PPP6R3: variants seen among roughly 807,000 people sequenced by gnomAD.
The protein encoded by PPP6R3 is protein phosphatase 6 regulatory subunit 3.
Under a neutral mutation model 110.7 loss-of-function variants are expected in PPP6R3, and 38 were observed. That is an observed-to-expected ratio of 0.34 (90% CI 0.26 to 0.45). The LOEUF (loss-of-function observed/expected upper bound fraction) is 0.45. PPP6R3 is among the 20% of genes least tolerant of loss of function. The pLI is 1.00. For synonymous variants in PPP6R3, 369 were observed against 373.5 expected (o/e 0.99, Z 0.14); for missense variants, 870 against 1,062.4 (o/e 0.82, Z 2.52).
chr11:68,600,573 C>T, intron 20 of PPP6R3, 79 bp downstream of exon 20: 1 of 1,492,568 alleles, frequency 6.7e-7, no homozygotes, highest in Non-Finnish European at 9.0e-7. Flanking sequence ...AACGTGTGTT[C>T]TTCACCTTGA....
At chr11:68,597,940 G>C (rs1038891921) in intron 19 of PPP6R3, among the ~76,000 whole-genome samples, 5 of 151,768 alleles carry the variant, frequency 3.3e-5, no homozygotes, top group African/African-American at 9.7e-5. Context: ...AGATCATGCT[G>C]TGCACTCCAG....
chr11:68,551,532 T>A (rs376136035), intron 6 of PPP6R3, among the ~76,000 whole-genome samples: 1 of 152,140 alleles, frequency 6.6e-6, no homozygotes, highest in Non-Finnish European at 1.5e-5. Flanking sequence ...CTCTGTCGCC[T>A]AGGCTGGAAT....
Position 68,544,826 on chromosome 11 carries a change from C to G in PPP6R3, c.228-12C>G. On this transcript the variant is annotated splice_polypyrimidine_tract_variant and intron_variant, in intron 3 of 23. Transcript: ENST00000393800. ...TAATAAAGATGATGATGTAAATATC[C>G]TGTTCTTCTAGGTATCCAAATATAT... 1 of 1,546,586 alleles carries G rather than the reference C, an allele frequency of 6.5e-7. No homozygotes were observed.
chr11:68,484,080 C>G (rs1278482230), intron 1 of PPP6R3, among the ~76,000 whole-genome samples: 1 of 152,120 alleles, frequency 6.6e-6, no homozygotes, highest in Admixed American at 6.5e-5. Context: ...GAATAATATT[C>G]CATTGTCTGG....
At chr11:68,599,429 C>T (rs544407668) in intron 19 of PPP6R3, among the ~76,000 whole-genome samples, 3 of 152,314 alleles carry the variant, frequency 2.0e-5, no homozygotes, top group South Asian at 2.1e-4. Flanking sequence ...CCCCACAGAC[C>T]GTAAGTGTGC....
intron 14 of PPP6R3, among the ~76,000 whole-genome samples, chr11:68,576,554 G>A (rs540019411): frequency 1.3e-5 from 2 of 152,104 alleles, no homozygotes; most frequent in Non-Finnish European, 2.9e-5. Flanking sequence ...TTTGAGCCAG[G>A]GAATAATGGC....
At chr11:68,533,387 A>G (rs961094722) in intron 2 of PPP6R3, among the ~76,000 whole-genome samples, 41 of 152,302 alleles carry the variant, frequency 2.7e-4, no homozygotes, top group African/African-American at 9.9e-4. Flanking sequence ...TATTTGAAAA[A>G]TGCTATTCTA....
At position 68,586,113 on chromosome 11, in the gene PPP6R3, A is replaced by C. The variant is rs114330410; in HGVS notation, c.1633-1814A>C. ...TGGCAAGACCCTGTCTCTTAAAAAA[A>C]ATTTTTTTTTGGAGGGGAAAAATAA... On this transcript the variant is annotated intron_variant, in intron 15 of 23. Coordinates refer to ENST00000393800, the MANE Select transcript of PPP6R3 (RefSeq NM_001164161.2). Among the ~76,000 whole-genome samples, 1,087 of 152,158 alleles carry C rather than the reference A, an allele frequency of 7.1e-3. 14 individuals carry two copies. The highest frequency in any genetic ancestry group is 0.025 in the African/African-American group (1,035 of 41,500).
chr11:68,500,033 A>G (rs552164225), intron 1 of PPP6R3, among the ~76,000 whole-genome samples: 9 of 152,084 alleles, frequency 5.9e-5, no homozygotes, highest in Admixed American at 2.0e-4. Flanking sequence ...TTTATTGTCA[A>G]TTTTGTCCAT....
chr11:68,496,742 A>T (rs1044229262), intron 1 of PPP6R3, among the ~76,000 whole-genome samples: 1 of 151,458 alleles, frequency 6.6e-6, no homozygotes, highest in Non-Finnish European at 1.5e-5. Flanking sequence ...AAGTACTGGG[A>T]TTACAATTAC....
intron 1 of PPP6R3, among the ~76,000 whole-genome samples, chr11:68,491,309 GGTT>G (rs762240520): frequency 3.4e-5 from 5 of 148,774 alleles, no homozygotes; most frequent in East Asian, 2.0e-4. Flanking sequence ...TAAACCAGAA[GGTT>G]GTTAAGTGTC....
In PPP6R3 at chr11:68,467,493, C is replaced by G. The variant is rs183526497; in HGVS notation, c.-158+6666C>G. Among the ~76,000 whole-genome samples the G allele has an allele frequency of 1.4e-3, 210 of 152,290 alleles. 1 individual carries two copies. The highest frequency in any genetic ancestry group is 6.8e-3 in the Middle Eastern group (2 of 294). On this transcript the variant is annotated intron_variant, in intron 1 of 23. Coordinates refer to ENST00000393800, the MANE Select transcript of PPP6R3 (RefSeq NM_001164161.2). ...AGCTGTGTGGGACTGTTAGTTGGAG[C>G]CTTGGGTTTCCTATACCTACATGTA...
intron 18 of PPP6R3, among the ~76,000 whole-genome samples, chr11:68,593,511 G>A (rs1162183675): frequency 6.6e-6 from 1 of 152,126 alleles, no homozygotes; most frequent in Non-Finnish European, 1.5e-5. Context: ...TGTTAAAGGT[G>A]CATACTGTAA....
intron 9 of PPP6R3, among the ~76,000 whole-genome samples, chr11:68,565,711 G>T (rs909851130): frequency 3.9e-5 from 6 of 152,020 alleles, no homozygotes; most frequent in East Asian, 1.9e-4. Flanking sequence ...GCAGTGTCTT[G>T]TTTGGACTTC....
intron 2 of PPP6R3, among the ~76,000 whole-genome samples, chr11:68,526,633 TC>T (rs1411704334): frequency 6.6e-6 from 1 of 152,270 alleles, no homozygotes; most frequent in East Asian, 1.9e-4. Flanking sequence ...AGCTGGGTGT[TC>T]CTTGCCTCTC....
At chr11:68,555,842 T>C (rs1236784191) in intron 7 of PPP6R3, among the ~76,000 whole-genome samples, 1 of 152,166 alleles carries the variant, frequency 6.6e-6, no homozygotes, top group Non-Finnish European at 1.5e-5. Context: ...AAACCTCCAT[T>C]GCATTTAACA....
At chr11:68,551,614 G>A (rs1245757837) in intron 6 of PPP6R3, among the ~76,000 whole-genome samples, 9 of 151,982 alleles carry the variant, frequency 5.9e-5, no homozygotes, top group South Asian at 2.1e-4. Flanking sequence ...TCAGCTTCCC[G>A]AGTAGCTGGG....
chr11:68,462,115 G>C (rs1486249989), intron 1 of PPP6R3, among the ~76,000 whole-genome samples: 2 of 152,184 alleles, frequency 1.3e-5, no homozygotes, highest in Non-Finnish European at 2.9e-5. Context: ...ATGTAAAACA[G>C]CTAGAGCTGT....
intron 9 of PPP6R3, among the ~76,000 whole-genome samples, chr11:68,564,697 T>G (rs976928666): frequency 1.3e-5 from 2 of 152,258 alleles, no homozygotes; most frequent in Non-Finnish European, 2.9e-5. Flanking sequence ...AAAAGAATTT[T>G]CTTCTTGTAG....
Sources: gnomAD v4.1 joint callset for allele counts (sites outside exome capture counted in the v4.1 genomes callset) on GRCh38, gnomAD v4.1.1 for gene constraint, MANE v1.5 for transcripts, NCBI Gene and HGNC (gene_info 2026-07-23, HGNC 2026-07-21) for gene names.